The following STAG1 variants were observed in gnomAD, a reference collection of about 807,000 sequenced individuals.
The protein encoded by STAG1 is cohesin subunit SA-1.
A neutral mutation model predicts 170.9 loss-of-function variants in STAG1; 26 were observed. The ratio of observed to expected loss-of-function variants is 0.15; its 90% confidence interval spans 0.11 to 0.21. STAG1 has a LOEUF of 0.21. Ranked by LOEUF, STAG1 falls within the 10% of genes least tolerant of loss-of-function variation. The probability of loss-of-function intolerance (pLI) is 1.00; values close to 1 mark genes in which losing one functional copy is unlikely to be tolerated. For synonymous variants in STAG1, 514 were observed against 497.7 expected, an observed-to-expected ratio of 1.03 and a Z score of -0.44; for missense variants, 964 against 1,509.5, an observed-to-expected ratio of 0.64 and a Z score of 5.99.
At chr3:136,525,536 C>T (rs1934966724) in intron 6 of STAG1, among the ~76,000 whole-genome samples, 1 of 151,910 alleles carries the variant, frequency 6.6e-6, no homozygotes, top group South Asian at 2.1e-4. Context: ...TTGATCTTTT[C>T]AAAAAACCAG....
rs2088367418 is a variant in STAG1 at position 136,433,434 on chromosome 3, G to C, written c.1650+122C>G. ...TAGGATATAAAGATGAAGCACCATA[G>C]TCCATCATTTATAAAAACACCATGT... On this transcript the variant is annotated intron_variant, in intron 16 of 33. Transcript: ENST00000383202. 16 of 717,246 alleles carry C rather than the reference G, an allele frequency of 2.2e-5. No homozygotes were observed. In the South Asian group the frequency reaches 2.7e-4, roughly 12 times the overall value. 44.4% of individuals were successfully genotyped at this position (717,246 alleles called of 1,614,324 possible).
Position 136,422,475 on chromosome 3 carries a change from G to C in STAG1, c.1972C>G (p.Arg658Gly). The change falls in exon 19 of 34, where the codon CGA (arginine) becomes GGA (glycine). Residue 658 changes from arginine to glycine, a missense_variant. By Grantham distance (125) the Arg-to-Gly change is moderately radical. This residue lies in a region of STAG1 where 232 missense variants were observed against 313.0 expected (regional missense o/e 0.74). Transcript: ENST00000383202. The stretch of plus-strand genomic sequence containing the variant: ...ACAAACTCATCAATCAGCTGGCTTC[G>C]AGCTATGTCAACTCTGTTCTGGATG... ...YTIQNRVDIA[R>G]SQLIDEFVDR... 6.2e-7 allele frequency: 1 copy of C among 1,613,934 alleles called. No individual in the cohort carries two copies. The highest frequency in any genetic ancestry group is 8.5e-7 in the Non-Finnish European group (1 of 1,179,962).
intron 1 of STAG1, among the ~76,000 whole-genome samples, chr3:136,715,685 T>C (rs376417168): frequency 6.6e-6 from 1 of 151,696 alleles, no homozygotes; most frequent in Non-Finnish European, 1.5e-5. Flanking sequence ...TATTTCACAA[T>C]AAAAGGGAAT....
chr3:136,529,815 A>C (rs761824775), intron 6 of STAG1, among the ~76,000 whole-genome samples: 25 of 152,210 alleles, frequency 1.6e-4, no homozygotes, highest in Non-Finnish European at 5.9e-5. Flanking sequence ...TAGGAGAAAA[A>C]GAAAGAAACA....
At position 136,577,047 on chromosome 3, in the gene STAG1, G is replaced by A. The variant is rs541529808; in HGVS notation, c.298-8186C>T. Among the ~76,000 whole-genome samples the A allele has an allele frequency of 2.6e-5, 4 of 152,288 alleles. 1 individual carries two copies. The South Asian group carries it at 8.3e-4, about 32-fold the overall frequency. On this transcript the variant is annotated intron_variant, in intron 4 of 33. Transcript: ENST00000383202. ...TGGGAAAATTAATCAAGCTATTGCT[G>A]GTGGCTGATTGTGATAAAGTACCAA...
At chr3:136,604,504 G>A (rs753095983) in intron 3 of STAG1, 31 bp from the exon 4 acceptor site, 9 of 1,565,370 alleles carry the variant, frequency 5.7e-6, no homozygotes, top group African/African-American at 1.4e-5. Context: ...GATTCCATTC[G>A]ATTAGGTTTA....
At chr3:136,442,981 C>G (rs1006507118) in intron 15 of STAG1, among the ~76,000 whole-genome samples, 1 of 152,032 alleles carries the variant, frequency 6.6e-6, no homozygotes, top group African/African-American at 2.4e-5. Context: ...TGCACTCCAG[C>G]CTGGGTGACA....
At chr3:136,539,128 C>A (rs144605042) in intron 6 of STAG1, among the ~76,000 whole-genome samples, 2 of 148,802 alleles carry the variant, frequency 1.3e-5, no homozygotes, top group African/African-American at 5.0e-5. Flanking sequence ...AGCCAGACTC[C>A]GTCTCAAAAA....
At chr3:136,614,179 G>A (rs1228460178) in intron 3 of STAG1, among the ~76,000 whole-genome samples, 4 of 152,140 alleles carry the variant, frequency 2.6e-5, no homozygotes, top group Non-Finnish European at 5.9e-5. Flanking sequence ...TTGTGCCACT[G>A]CACTCCAGCG....
chr3:136,340,703 T>G, intron 31 of STAG1, 98 bp from the exon 32 acceptor site: 1 of 733,400 alleles, frequency 1.4e-6, no homozygotes, highest in Non-Finnish European at 2.5e-6. Context: ...AAGTGAAGTA[T>G]ACCTTCTAAT....
chr3:136,597,030 A>T (rs780441463), intron 4 of STAG1, among the ~76,000 whole-genome samples: 2 of 152,198 alleles, frequency 1.3e-5, no homozygotes, highest in Non-Finnish European at 2.9e-5. Context: ...TGCTGGGACC[A>T]TGTCACTGGC....
chr3:136,508,007 G>A (rs1319351049), intron 7 of STAG1, among the ~76,000 whole-genome samples: 2 of 152,188 alleles, frequency 1.3e-5, no homozygotes, highest in Admixed American at 6.5e-5. Context: ...GAGAGGTAGT[G>A]AAGTAGTAGA....
At chr3:136,563,060 A>G (rs1004704609) in intron 5 of STAG1, among the ~76,000 whole-genome samples, 5 of 152,236 alleles carry the variant, frequency 3.3e-5, no homozygotes, top group African/African-American at 1.2e-4. Context: ...CATATCAGAA[A>G]GCACATGATA....
chr3:136,351,723 A>C (rs1461997918), intron 28 of STAG1, among the ~76,000 whole-genome samples: 2 of 152,190 alleles, frequency 1.3e-5, no homozygotes, highest in Non-Finnish European at 2.9e-5. Context: ...CTGCACACCC[A>C]AGGCTGCCTT....
At chr3:136,608,173 C>G (rs1939057342) in intron 3 of STAG1, among the ~76,000 whole-genome samples, 1 of 151,684 alleles carries the variant, frequency 6.6e-6, no homozygotes, top group Admixed American at 6.6e-5. Flanking sequence ...GGGAGAATCG[C>G]TTGAACCTAG....
At chr3:136,433,788 C>A (rs1348791323) in intron 15 of STAG1, 129 bp from the exon 16 acceptor site, 4 of 640,720 alleles carry the variant, frequency 6.2e-6, no homozygotes, top group Non-Finnish European at 2.6e-6. Context: ...AAGTTAAGCT[C>A]TGTACTTTGC....
chr3:136,470,071 A>G (rs2089584291), intron 12 of STAG1, among the ~76,000 whole-genome samples: 1 of 152,224 alleles, frequency 6.6e-6, no homozygotes, highest in Non-Finnish European at 1.5e-5. Context: ...GGACATAGGC[A>G]TGGGCAAGGA....
intron 1 of STAG1, among the ~76,000 whole-genome samples, chr3:136,713,017 G>A (rs956763883): frequency 5.3e-4 from 80 of 152,180 alleles, no homozygotes; most frequent in Non-Finnish European, 3.4e-4. Flanking sequence ...CTTGGAACCC[G>A]GGAGGCAGAG....
At chr3:136,538,700 G>C (rs903463960) in intron 6 of STAG1, among the ~76,000 whole-genome samples, 1 of 152,046 alleles carries the variant, frequency 6.6e-6, no homozygotes. Flanking sequence ...GATTACAGGC[G>C]TAAGCCACCA....
Sources: gnomAD v4.1 joint callset for allele counts (sites outside exome capture counted in the v4.1 genomes callset) on GRCh38, gnomAD v4.1.1 for gene constraint, gnomAD v4.1.1 regional missense constraint, MANE v1.5 for transcripts, NCBI Gene and HGNC (gene_info 2026-07-23, HGNC 2026-07-21) for gene names.